PTPRD: variants seen among roughly 807,000 people sequenced by gnomAD.
The protein encoded by PTPRD is receptor-type tyrosine-protein phosphatase delta.
A neutral mutation model predicts 214.5 loss-of-function variants in PTPRD; 34 were observed. That is an observed-to-expected ratio of 0.16 (90% CI 0.12 to 0.21). PTPRD has a LOEUF of 0.21. PTPRD is among the 10% of genes least tolerant of loss of function. The pLI is 1.00. For synonymous variants in PTPRD, 1,128 were observed against 845.7 expected (o/e 1.33, Z -5.79); for missense variants, 2,545 against 2,398.7 (o/e 1.06, Z -1.27).
At chr9:9,533,123 G>C (rs998225973) in intron 8 of PTPRD, among the ~76,000 whole-genome samples, 2 of 152,084 alleles carry the variant, frequency 1.3e-5, no homozygotes, top group African/African-American at 4.8e-5. Flanking sequence ...GCTATTACTT[G>C]TTTATATATT....
chr9:8,815,460 AT>A (rs2096901342), intron 11 of PTPRD, among the ~76,000 whole-genome samples: 1 of 152,232 alleles, frequency 6.6e-6, no homozygotes, highest in Non-Finnish European at 1.5e-5. Context: ...AGATGAAAGG[AT>A]TCATTTAGCA....
chr9:8,832,626 T>G (rs2097321190), intron 11 of PTPRD, among the ~76,000 whole-genome samples: 1 of 152,086 alleles, frequency 6.6e-6, no homozygotes, highest in Non-Finnish European at 1.5e-5. Flanking sequence ...ATGTGTGTTT[T>G]GTTAACAAAG....
intron 36 of PTPRD, among the ~76,000 whole-genome samples, chr9:8,395,484 G>A (rs899521404): frequency 5.3e-5 from 8 of 152,036 alleles, no homozygotes; most frequent in Admixed American, 1.3e-4. Context: ...ACAGCCACAC[G>A]TGGCTGCATC....
intron 2 of PTPRD, among the ~76,000 whole-genome samples, chr9:10,387,630 A>G (rs1010586977): frequency 6.6e-6 from 1 of 151,620 alleles, no homozygotes; most frequent in Non-Finnish European, 1.5e-5. Context: ...AAAGCCTATT[A>G]CTTAAACCAT....
At chr9:8,766,277 G>A (rs979398327) in intron 11 of PTPRD, among the ~76,000 whole-genome samples, 17 of 151,902 alleles carry the variant, frequency 1.1e-4, no homozygotes, top group Admixed American at 3.3e-4. Context: ...TTTCCTCTGG[G>A]TACTTGGTTT....
At chr9:9,495,522 A>G (rs1406310616) in intron 8 of PTPRD, among the ~76,000 whole-genome samples, 2 of 151,982 alleles carry the variant, frequency 1.3e-5, no homozygotes, top group Non-Finnish European at 2.9e-5. Flanking sequence ...CCCCAGACTC[A>G]GTCGGTAGAG....
At chr9:10,247,560 G>A (rs779870928) in intron 3 of PTPRD, among the ~76,000 whole-genome samples, 18 of 152,082 alleles carry the variant, frequency 1.2e-4, no homozygotes, top group Non-Finnish European at 2.4e-4. Context: ...GTTATTTCCA[G>A]TTATAGTTGC....
intron 14 of PTPRD, among the ~76,000 whole-genome samples, chr9:8,600,642 T>C (rs566567876): frequency 6.6e-6 from 1 of 151,884 alleles, no homozygotes; most frequent in South Asian, 2.1e-4. Flanking sequence ...CCCTGATATT[T>C]CTAGACACAT....
At chr9:8,777,972 C>G (rs1192913963) in intron 11 of PTPRD, among the ~76,000 whole-genome samples, 1 of 152,170 alleles carries the variant, frequency 6.6e-6, no homozygotes, top group Non-Finnish European at 1.5e-5. Flanking sequence ...CACAGAGCGT[C>G]TTCCATATCA....
intron 5 of PTPRD, among the ~76,000 whole-genome samples, chr9:9,864,521 T>A (rs2063514929): frequency 6.6e-6 from 1 of 152,068 alleles, no homozygotes; most frequent in African/African-American, 2.4e-5. Flanking sequence ...TTTTACTTTT[T>A]GTTTGTTTGT....
chr9:10,186,542 G>A (rs868390440), intron 3 of PTPRD, among the ~76,000 whole-genome samples: 1 of 152,036 alleles, frequency 6.6e-6, no homozygotes, highest in South Asian at 2.1e-4. Flanking sequence ...CCCCTAAACA[G>A]AATTAACACT....
intron 4 of PTPRD, among the ~76,000 whole-genome samples, chr9:9,940,812 A>G (rs1566554481): frequency 2.0e-5 from 3 of 152,134 alleles, no homozygotes; most frequent in South Asian, 4.1e-4. Flanking sequence ...CTCTTCCTAC[A>G]TTTCAACCCT....
intron 44 of PTPRD, among the ~76,000 whole-genome samples, chr9:8,327,874 T>G (rs1016462854): frequency 1.3e-5 from 2 of 152,226 alleles, no homozygotes; most frequent in Non-Finnish European, 2.9e-5. Flanking sequence ...TTGGTAAATA[T>G]TCCTCCATCC....
chr9:8,396,478 G>A (rs78765237), intron 36 of PTPRD, among the ~76,000 whole-genome samples: 2,027 of 152,062 alleles, frequency 0.013, 18 homozygotes, highest in Non-Finnish European at 0.023. Flanking sequence ...GTAATGAAGT[G>A]TAGATTCATT....
chr9:10,099,725 C>CT (rs1027854198), intron 3 of PTPRD, among the ~76,000 whole-genome samples: 2 of 151,382 alleles, frequency 1.3e-5, no homozygotes, highest in South Asian at 2.1e-4. Context: ...GTTGGGTCTG[C>CT]TTTTTTTAGT....
intron 7 of PTPRD, among the ~76,000 whole-genome samples, chr9:9,671,735 C>T (rs2096836031): frequency 6.6e-6 from 1 of 152,090 alleles, no homozygotes; most frequent in African/African-American, 2.4e-5. Flanking sequence ...TTTCTGTTGC[C>T]ACCACCGCCA....
At chr9:10,420,983 C>G (rs2098540234) in intron 2 of PTPRD, among the ~76,000 whole-genome samples, 1 of 151,822 alleles carries the variant, frequency 6.6e-6, no homozygotes, top group South Asian at 2.1e-4. Flanking sequence ...GGATTCCAAT[C>G]ATTTGGCTTC....
At chr9:8,787,120 G>A (rs2096014070) in intron 11 of PTPRD, among the ~76,000 whole-genome samples, 1 of 152,090 alleles carries the variant, frequency 6.6e-6, no homozygotes, top group South Asian at 2.1e-4. Context: ...ACAGACATGA[G>A]CCACTACGCC....
intron 3 of PTPRD, among the ~76,000 whole-genome samples, chr9:10,205,367 C>T (rs1034658442): frequency 3.6e-4 from 53 of 148,170 alleles, no homozygotes; most frequent in African/African-American, 1.3e-3. Flanking sequence ...TCTTCTTCTT[C>T]TTTATTTTAT....
Sources: allele counts gnomAD v4.1 joint callset (sites outside exome capture counted in the v4.1 genomes callset), GRCh38; gene constraint gnomAD v4.1.1; transcripts MANE v1.5; gene names NCBI Gene and HGNC (gene_info 2026-07-23, HGNC 2026-07-21).